Variants in COL12A1 observed in about 807,000 individuals in gnomAD.
COL12A1 encodes collagen alpha-1(XII) chain.
A neutral mutation model predicts 349.7 loss-of-function variants in COL12A1; 114 were observed. The ratio of observed to expected loss-of-function variants is 0.33; its 90% confidence interval spans 0.28 to 0.38. COL12A1 has a LOEUF of 0.38. COL12A1 is among the 10% of genes least tolerant of loss of function. The pLI is 1.00. For missense variants in COL12A1, 3,284 were observed against 3,756.9 expected, an observed-to-expected ratio of 0.87 and a Z score of 3.29; for synonymous variants, 1,369 against 1,329.0, an observed-to-expected ratio of 1.03 and a Z score of -0.66.
At chr6:75,109,604 A>G (rs1768730318) in intron 51 of COL12A1, among the ~76,000 whole-genome samples, 2 of 152,098 alleles carry the variant, frequency 1.3e-5, no homozygotes, top group Admixed American at 6.6e-5. Context: ...GTTGTTCCCC[A>G]ATCTCAGGCA....
chr6:75,187,404 AG>A (rs1301216307), intron 8 of COL12A1, among the ~76,000 whole-genome samples: 1 of 152,064 alleles, frequency 6.6e-6, no homozygotes, highest in African/African-American at 2.4e-5. Flanking sequence ...GCAGAAAAAA[AG>A]TCTGGCCTAC....
intron 1 of COL12A1, among the ~76,000 whole-genome samples, chr6:75,204,501 T>C (rs79134499): frequency 0.023 from 3,533 of 152,314 alleles, 119 homozygotes; most frequent in African/African-American, 0.08. Flanking sequence ...CCCGTCAATA[T>C]ATGTTTTAAA....
chr6:75,156,286 C>A lies in COL12A1; in HGVS notation c.3221G>T (p.Gly1074Val). The A allele has an allele frequency of 6.2e-7, 1 of 1,613,886 alleles. No homozygotes were observed. The highest frequency in any genetic ancestry group is 8.5e-7 in the Non-Finnish European group (1 of 1,179,836). The stretch of plus-strand genomic sequence containing the variant: ...TGTTCCTGATCCTTGCCTAAGCTTT[C>A]CTTCTCCCATCTTGTAAATAGGAAG... The part of the protein sequence containing the change: ...TVLPIYKMGE[G>V]KLRQGSGTTA... The change falls in exon 15 of 66, where the codon GGA (glycine) becomes GTA (valine). Residue 1074 changes from glycine (G) to valine (V), a missense_variant. Coordinates refer to ENST00000322507, the MANE Select transcript of COL12A1 (RefSeq NM_004370.6).
chr6:75,203,981 C>G (rs992019608), intron 1 of COL12A1, among the ~76,000 whole-genome samples: 1 of 152,190 alleles, frequency 6.6e-6, no homozygotes, highest in Non-Finnish European at 1.5e-5. Context: ...CAATCTCCAA[C>G]GATGACTTTC....
chr6:75,152,401 C>G lies in COL12A1; in HGVS notation c.3647G>C (p.Arg1216Thr), dbSNP rs1049438285. The G allele has an allele frequency of 6.2e-7, 1 of 1,613,654 alleles. No homozygotes were observed. Among genetic ancestry groups the G allele is most frequent in the Admixed American group, 1.7e-5 (1 of 59,946 alleles). Residue 1216 changes from arginine (R) to threonine (T), a missense_variant, in exon 18 of 66, where the codon AGA becomes ACA. Arg to Thr is a moderately conservative substitution (Grantham distance 71). Transcript: ENST00000322507. ...GSWSIGRANF[R>T]TVRSFISRIV... is the part of the protein sequence containing the mutation. ...ACGAGAAATGAAACTCCTCACGGTTCTAAAATTTGCCCGGCCGATGCTCCA... is the reference window on the plus strand; with the variant it reads ...ACGAGAAATGAAACTCCTCACGGTTGTAAAATTTGCCCGGCCGATGCTCCA...
In COL12A1 at chr6:75,130,175, C is replaced by T. The variant is rs868201834; in HGVS notation, c.6126G>A (p.Ser2042=). The change falls in exon 37 of 66, where the codon TCG becomes TCA. Residue 2042 remains serine (S), a synonymous_variant. Coordinates refer to ENST00000322507, the MANE Select transcript of COL12A1 (RefSeq NM_004370.6). ...GCCCATCAGCATGATCCCAGGCTACCGAGAGGCTATTGGTTGTTTCACCAA... is the reference window on the plus strand; with the variant it reads ...GCCCATCAGCATGATCCCAGGCTACTGAGAGGCTATTGGTTGTTTCACCAA... ...RVFGETTNSL[S]VAWDHADGPV... 3 of 1,613,828 alleles carry T rather than the reference C, an allele frequency of 1.9e-6. No homozygotes were observed. Among genetic ancestry groups the T allele is most frequent in the Non-Finnish European group, 2.5e-6 (3 of 1,179,952 alleles).
rs1769254576 is a variant in COL12A1 at position 75,181,086 on chromosome 6, C to G, written c.2017G>C (p.Asp673His). The change falls in exon 11 of 66, where the codon GAT becomes CAT. Residue 673 changes from aspartate to histidine, a missense_variant. By Grantham distance (81) the Asp-to-His change is moderately conservative. Around this residue, in one of 2 missense-constraint regions of COL12A1, gnomAD observed 2,601 missense variants for 2,824.8 expected, o/e 0.92. Coordinates refer to ENST00000322507, the MANE Select transcript of COL12A1 (RefSeq NM_004370.6). ...GCTGGCTCCACCACAGTGACCTCAT[C>G]ATCCCCAGCCGCTTCCTTGTAGGTG... is the stretch of plus-strand genomic sequence containing the variant. ...HITYKEAAGD[D>H]EVTVVEPASS... 1 of 1,613,950 alleles carries G rather than the reference C, an allele frequency of 6.2e-7. No individual in the cohort carries two copies. The highest frequency in any genetic ancestry group is 8.5e-7 in the Non-Finnish European group (1 of 1,180,008).
intron 14 of COL12A1, among the ~76,000 whole-genome samples, chr6:75,157,276 C>T (rs1767812719): frequency 6.6e-6 from 1 of 151,860 alleles, no homozygotes; most frequent in African/African-American, 2.4e-5. Context: ...TAAGCAGGAC[C>T]ATTTTATTCA....
intron 14 of COL12A1, among the ~76,000 whole-genome samples, chr6:75,161,737 G>A (rs1289558085): frequency 1.3e-5 from 2 of 152,226 alleles, no homozygotes; most frequent in Admixed American, 1.3e-4. Context: ...CAGATGACAA[G>A]ATTGTATATT....
chr6:75,095,067 G>T (rs10943236), intron 60 of COL12A1, 41 bp downstream of exon 60: 2 of 1,567,954 alleles, frequency 1.3e-6, no homozygotes, highest in South Asian at 1.1e-5. Flanking sequence ...TTATTTCCAC[G>T]GTGAAACCAC....
chr6:75,090,282 G>C lies in COL12A1; in HGVS notation c.8769C>G (p.Phe2923Leu). 6.2e-7 allele frequency: 1 copy of C among 1,609,146 alleles called. No individual in the cohort carries two copies. Among genetic ancestry groups the C allele is most frequent in the Non-Finnish European group, 8.5e-7 (1 of 1,176,166 alleles). ...TTGGAATCTGATTCAGCATCTGATT[G>C]AATCTGTTCATCTGACCTACAAGCA... ...EQLISGQMNR[F>L]NQMLNQIPND... is the part of the protein sequence containing the mutation. The change falls in exon 63 of 66, where the codon TTC becomes TTG. Residue 2923 changes from phenylalanine (F) to leucine (L), a missense_variant. Physicochemically the swap from Phe to Leu is conservative, Grantham distance 22 (BLOSUM62 0). Transcript: ENST00000322507. The surrounding 1 kb of genome is among the most constrained non-coding windows in gnomAD (Gnocchi z 4.1).
At chr6:75,098,291 T>C (rs1047904607) in intron 58 of COL12A1, among the ~76,000 whole-genome samples, 2 of 152,226 alleles carry the variant, frequency 1.3e-5, no homozygotes, top group Non-Finnish European at 2.9e-5. Context: ...CCTGAGCAAC[T>C]GTCAGACAGT....
chr6:75,140,733 A>G (rs970677889), intron 27 of COL12A1, among the ~76,000 whole-genome samples: 47 of 151,846 alleles, frequency 3.1e-4, no homozygotes, highest in African/African-American at 1.1e-3. Flanking sequence ...GCTGGGCACT[A>G]AAGAACATGC....
chr6:75,160,912 C>T (rs1233576085), intron 14 of COL12A1, among the ~76,000 whole-genome samples: 1 of 152,162 alleles, frequency 6.6e-6, no homozygotes, highest in Non-Finnish European at 1.5e-5. Flanking sequence ...CAAAACACTT[C>T]TCATAAGAAA....
chr6:75,105,091 C>A, intron 54 of COL12A1, 115 bp downstream of exon 54: 1 of 772,006 alleles, frequency 1.3e-6, no homozygotes. Context: ...TTAGCTTGCT[C>A]TATCCTAGAA....
chr6:75,191,598 A>C, intron 5 of COL12A1, 103 bp downstream of exon 5: 1 of 634,572 alleles, frequency 1.6e-6, no homozygotes. Flanking sequence ...ATATAAATTA[A>C]TATAGGAATA....
In COL12A1 at chr6:75,151,954, C is replaced by T. The variant is rs1767514514; in HGVS notation, c.3913G>A (p.Val1305Met). 1.2e-6 allele frequency: 2 copies of T among 1,613,732 alleles called. No homozygotes were observed. The highest frequency in any genetic ancestry group is 2.7e-5 in the African/African-American group (2 of 74,864). The part of the protein sequence containing the change: ...GMRPRARKIG[V>M]LITDGKSQDD... ...TGTGATTTTCCATCAGTAATGAGCA[C>T]ACCAATTTTTCGAGCTCGAGGTCTC... The change falls in exon 20 of 66, where the codon GTG becomes ATG. Residue 1305 changes from valine to methionine, a missense_variant. Val to Met is a conservative substitution (Grantham distance 21, BLOSUM62 1). This residue lies in a region of COL12A1 where 2,601 missense variants were observed against 2,824.8 expected (regional missense o/e 0.92). Coordinates refer to ENST00000322507, the MANE Select transcript of COL12A1 (RefSeq NM_004370.6).
chr6:75,119,518 T>G, intron 44 of COL12A1, 45 bp from the exon 45 acceptor site: 1 of 1,559,474 alleles, frequency 6.4e-7, no homozygotes, highest in South Asian at 1.2e-5. Context: ...TCATCTCATT[T>G]TATGTTTCAA....
intron 60 of COL12A1, 58 bp from the exon 61 acceptor site, chr6:75,091,583 T>A: frequency 6.7e-7 from 1 of 1,491,600 alleles, no homozygotes; most frequent in South Asian, 1.2e-5. Flanking sequence ...AAATGATGCA[T>A]GAATAGACAT....
Sources: allele counts gnomAD v4.1 joint callset (sites outside exome capture counted in the v4.1 genomes callset), GRCh38; gene constraint gnomAD v4.1.1; regional missense constraint gnomAD v4.1.1; non-coding constraint Gnocchi (gnomAD v3.1); transcripts MANE v1.5; gene names NCBI Gene and HGNC (gene_info 2026-07-23, HGNC 2026-07-21).